EMP2: variants seen among roughly 807,000 people sequenced by gnomAD.
EMP2 encodes epithelial membrane protein 2.
A neutral mutation model predicts 13.7 loss-of-function variants in EMP2; 19 were observed. That is an observed-to-expected ratio of 1.38 (90% CI 0.97 to 2.03). The LOEUF is 2.03. Among genes scored for constraint, EMP2 ranks in the 30% most tolerant of loss-of-function variants. EMP2 has a pLI of 0.00. For missense variants in EMP2, 253 were observed against 220.7 expected (o/e 1.15, Z -0.93); for synonymous variants, 97 against 84.7 (o/e 1.15, Z -0.80).
chr16:10,554,328 G>A (rs758306943), intron 1 of EMP2, among the ~76,000 whole-genome samples: 1 of 152,142 alleles, frequency 6.6e-6, no homozygotes, highest in Admixed American at 6.6e-5. Flanking sequence ...CACCGTGCCC[G>A]ACCAAGCACT....
intron 1 of EMP2, among the ~76,000 whole-genome samples, chr16:10,578,356 G>A (rs1396970771): frequency 2.0e-5 from 3 of 152,218 alleles, no homozygotes; most frequent in African/African-American, 7.2e-5. Flanking sequence ...AAAAGATACT[G>A]AGGTGAAACA....
chr16:10,563,874 T>C (rs537175614), intron 1 of EMP2, among the ~76,000 whole-genome samples: 1 of 152,252 alleles, frequency 6.6e-6, no homozygotes, highest in Non-Finnish European at 1.5e-5. Context: ...TAGCAAATGC[T>C]ATGAAGTGTT....
intron 3 of EMP2, among the ~76,000 whole-genome samples, chr16:10,540,481 G>A (rs1186087700): frequency 6.7e-6 from 1 of 148,454 alleles, no homozygotes; most frequent in Non-Finnish European, 1.5e-5. Flanking sequence ...ACTCCAGCCT[G>A]GGTGACAGAG....
intron 1 of EMP2, among the ~76,000 whole-genome samples, chr16:10,565,010 T>C (rs1234460130): frequency 6.6e-6 from 1 of 152,220 alleles, no homozygotes; most frequent in Non-Finnish European, 1.5e-5. Context: ...TGTTATTAAA[T>C]TCCAGCTCCA....
intron 1 of EMP2, among the ~76,000 whole-genome samples, chr16:10,566,481 C>A (rs999545645): frequency 6.6e-6 from 1 of 152,182 alleles, no homozygotes; most frequent in Admixed American, 6.5e-5. Context: ...AGACTCCCCC[C>A]TTGATGAAAT....
At position 10,580,392 on chromosome 16, in the gene EMP2, G is replaced by A. The variant is rs2051019272; in HGVS notation, c.-61+157C>T. On this transcript the variant is annotated intron_variant, in intron 1 of 4. Transcript: ENST00000359543. This position sits in a 1 kb window ranked among gnomAD's most constrained non-coding sequence, Gnocchi z 4.3. Reference sequence around the variant, plus strand: ...AGCGTGGCGCAGACCAGAGGTCGGCGGCATGGGTGGCACCTCGGCCCTCCC... The same window carrying A: ...AGCGTGGCGCAGACCAGAGGTCGGCAGCATGGGTGGCACCTCGGCCCTCCC... Among the ~76,000 whole-genome samples the A allele has an allele frequency of 6.6e-6, 1 of 152,218 alleles. No individual in the cohort carries two copies. The highest frequency in any genetic ancestry group is 2.4e-5 in the African/African-American group (1 of 41,454).
chr16:10,535,592 C>A (rs547026796), intron 4 of EMP2, among the ~76,000 whole-genome samples: 10 of 152,202 alleles, frequency 6.6e-5, no homozygotes, highest in African/African-American at 2.2e-4. Flanking sequence ...TGTCTGTAGT[C>A]CCAGTTCCTT....
intron 4 of EMP2, among the ~76,000 whole-genome samples, 168 bp downstream of exon 4, chr16:10,537,760 C>CCACACACA (rs34979037): frequency 4.0e-5 from 6 of 149,172 alleles, no homozygotes; most frequent in African/African-American, 9.9e-5. Flanking sequence ...ATGCATGCGC[C>CCACACACA]CACACACACA....
At chr16:10,551,542 G>A (rs1047772199) in intron 1 of EMP2, among the ~76,000 whole-genome samples, 2 of 152,176 alleles carry the variant, frequency 1.3e-5, no homozygotes, top group East Asian at 3.8e-4. Flanking sequence ...CAGTAGCTGG[G>A]ACTACAGGCA....
At chr16:10,557,917 G>T (rs1464436074) in intron 1 of EMP2, among the ~76,000 whole-genome samples, 2 of 152,134 alleles carry the variant, frequency 1.3e-5, no homozygotes. Context: ...GAGAGAGTGG[G>T]GCTGTGGAGG....
chr16:10,560,943 G>C (rs1472699093), intron 1 of EMP2, among the ~76,000 whole-genome samples: 1 of 152,234 alleles, frequency 6.6e-6, no homozygotes, highest in African/African-American at 2.4e-5. Flanking sequence ...GGAGGCCAAG[G>C]GGGCTGGGGA....
rs965002381 is a variant in EMP2, at chr16:10,530,254, T to C, written c.*2651A>G. On this transcript the variant is annotated 3_prime_UTR_variant, in exon 5 of 5. Coordinates refer to ENST00000359543, the MANE Select transcript of EMP2 (RefSeq NM_001424.6). ...TATCTGGATTTGCTCACCCCTGTAT[T>C]TTCAGAGCCTCACACAGTGCCTGGA... The C allele has an allele frequency of 6.6e-6, 1 of 152,240 alleles. No individual in the cohort carries two copies. The highest frequency in any genetic ancestry group is 2.4e-5 in the African/African-American group (1 of 41,460). The allele number at this position is 152,240 out of a possible 1,614,324, so 9.4% of individuals were successfully genotyped here.
chr16:10,553,543 C>T (rs2050804943), intron 1 of EMP2, among the ~76,000 whole-genome samples: 1 of 152,218 alleles, frequency 6.6e-6, no homozygotes, highest in Non-Finnish European at 1.5e-5. Flanking sequence ...CTTTCTTTGG[C>T]TGGAGGGGCC....
In EMP2 at chr16:10,542,441, TC is replaced by T. The variant is rs60218184; in HGVS notation, c.169+1128del. Among the ~76,000 whole-genome samples, 559 of 111,686 alleles carry T rather than the reference TC, an allele frequency of 5.0e-3. 1 individual carries two copies. The highest frequency in any genetic ancestry group is 0.016 in the African/African-American group (502 of 30,552). 73.3% of individuals were successfully genotyped at this position (111,686 alleles called of 152,430 possible). On this transcript the variant is annotated intron_variant, in intron 3 of 4. Transcript: ENST00000359543. Reference sequence around the variant, plus strand: ...AAACAAAAACCAAAAAACTAAACCCTCCCCCCCCACCAACAAAACCAAATAT... The same window carrying T: ...AAACAAAAACCAAAAAACTAAACCCTCCCCCCCACCAACAAAACCAAATAT...
chr16:10,539,939 C>T (rs2050681348), intron 3 of EMP2, among the ~76,000 whole-genome samples: 1 of 152,100 alleles, frequency 6.6e-6, no homozygotes. Flanking sequence ...TCTTAGGCCT[C>T]TCCCCCTGGA....
At chr16:10,565,607 T>C (rs973907566) in intron 1 of EMP2, among the ~76,000 whole-genome samples, 5 of 152,188 alleles carry the variant, frequency 3.3e-5, no homozygotes, top group African/African-American at 1.2e-4. Context: ...AGAACCCTAA[T>C]ATAGCATCAC....
intron 1 of EMP2, among the ~76,000 whole-genome samples, chr16:10,552,022 C>A (rs1206283814): frequency 6.6e-6 from 1 of 152,040 alleles, no homozygotes; most frequent in Non-Finnish European, 1.5e-5. Flanking sequence ...CTTGGAGATT[C>A]TTCTAATTCT....
At chr16:10,549,070 G>A (rs1027124038) in intron 1 of EMP2, among the ~76,000 whole-genome samples, 1 of 152,224 alleles carries the variant, frequency 6.6e-6, no homozygotes, top group African/African-American at 2.4e-5. Context: ...TCTCCCTAAG[G>A]AGGTAGCTGG....
chr16:10,531,317 T>C lies in EMP2; in HGVS notation c.*1588A>G, dbSNP rs12928798. Reference sequence around the variant, plus strand: ...GTTCTTTGCAGCCTCCATCACAGTGTGTAATTAGTTTCTTTTCTTTTTTTT... The same window carrying C: ...GTTCTTTGCAGCCTCCATCACAGTGCGTAATTAGTTTCTTTTCTTTTTTTT... On this transcript the variant is annotated 3_prime_UTR_variant, in exon 5 of 5. Transcript: ENST00000359543. The C allele has an allele frequency of 0.068, 10,384 of 152,622 alleles. 464 individuals are homozygous for C. The highest frequency in any genetic ancestry group is 0.11 in the South Asian group (548 of 4,814). The allele number at this position is 152,622 out of a possible 1,614,324, so 9.5% of individuals were successfully genotyped here. A position where few individuals can be genotyped will look rare whatever the true frequency, so the allele number is the denominator to read the frequency against.
Sources: allele counts gnomAD v4.1 joint callset (sites outside exome capture counted in the v4.1 genomes callset), GRCh38; gene constraint gnomAD v4.1.1; non-coding constraint Gnocchi (gnomAD v3.1); transcripts MANE v1.5; gene names NCBI Gene and HGNC (gene_info 2026-07-23, HGNC 2026-07-21).